The following FUT8 variants were observed in gnomAD, a reference collection of about 807,000 sequenced individuals.
The protein encoded by FUT8 is alpha-(1,6)-fucosyltransferase.
A neutral mutation model predicts 71.3 loss-of-function variants in FUT8; 29 were observed. That is an observed-to-expected ratio of 0.41 (90% CI 0.30 to 0.55). FUT8 has a LOEUF of 0.55. Among genes scored for constraint, FUT8 ranks in the 20% least tolerant of loss-of-function variants. The pLI, the probability that FUT8 is intolerant of heterozygous loss-of-function variation, is 0.34. For synonymous variants in FUT8, 254 were observed against 239.3 expected, an observed-to-expected ratio of 1.06 and a Z score of -0.57; for missense variants, 544 against 702.1, an observed-to-expected ratio of 0.77 and a Z score of 2.55.
intron 1 of FUT8, among the ~76,000 whole-genome samples, chr14:65,422,540 C>T (rs935617303): frequency 4.6e-5 from 7 of 152,068 alleles, no homozygotes; most frequent in Admixed American, 4.6e-4. Flanking sequence ...CTCAATTGCC[C>T]AGGCTGACAT....
At chr14:65,739,358 T>C (rs1896379087) in intron 10 of FUT8, among the ~76,000 whole-genome samples, 3 of 152,052 alleles carry the variant, frequency 2.0e-5, no homozygotes, top group Non-Finnish European at 4.4e-5. Context: ...TCTCTACTAT[T>C]ATTATAATAG....
At chr14:65,676,577 G>A (rs1227317311) in intron 7 of FUT8, among the ~76,000 whole-genome samples, 1 of 152,010 alleles carries the variant, frequency 6.6e-6, no homozygotes, top group African/African-American at 2.4e-5. Flanking sequence ...GGAGCTAGTA[G>A]TCGGTCCCCT....
chr14:65,436,268 AC>A (rs1305984457), intron 1 of FUT8, among the ~76,000 whole-genome samples: 1 of 151,230 alleles, frequency 6.6e-6, no homozygotes, highest in Admixed American at 6.6e-5. Flanking sequence ...ACATAGCAAG[AC>A]CCTGTCTCAA....
intron 2 of FUT8, among the ~76,000 whole-genome samples, chr14:65,487,435 T>C (rs573967229): frequency 1.1e-4 from 16 of 151,934 alleles, no homozygotes; most frequent in African/African-American, 3.9e-4. Context: ...AGGTGGTGGG[T>C]GCCTGTAATC....
intron 3 of FUT8, among the ~76,000 whole-genome samples, chr14:65,611,849 C>T (rs1889017570): frequency 6.6e-6 from 1 of 151,972 alleles, no homozygotes; most frequent in Non-Finnish European, 1.5e-5. Flanking sequence ...TTCATAGAGA[C>T]AGTATTTCAC....
chr14:65,477,019 A>G (rs1180443010), intron 2 of FUT8, among the ~76,000 whole-genome samples: 1 of 152,188 alleles, frequency 6.6e-6, no homozygotes, highest in Non-Finnish European at 1.5e-5. Context: ...CTAAATGTAA[A>G]GTTTTTCTCT....
chr14:65,542,230 G>A (rs1192843187), intron 2 of FUT8, among the ~76,000 whole-genome samples: 1 of 152,130 alleles, frequency 6.6e-6, no homozygotes, highest in African/African-American at 2.4e-5. Context: ...TAAAGACAAA[G>A]TAATGCAGGT....
chr14:65,487,337 C>T (rs908724259), intron 2 of FUT8, among the ~76,000 whole-genome samples: 1 of 151,960 alleles, frequency 6.6e-6, no homozygotes, highest in Non-Finnish European at 1.5e-5. Context: ...GCCAGGCAGG[C>T]AGATCACTTG....
chr14:65,458,186 A>AAC (rs1054654600), intron 2 of FUT8: 10 of 150,622 alleles, frequency 6.6e-5, no homozygotes, highest in Non-Finnish European at 1.2e-4. Context: ...CGTCTCAAAA[A>AAC]AAAAAAAAAC....
chr14:65,480,628 C>T (rs1392735905), intron 2 of FUT8, among the ~76,000 whole-genome samples: 3 of 151,270 alleles, frequency 2.0e-5, no homozygotes. Flanking sequence ...ATAACTTTTT[C>T]AGACACCACT....
chr14:65,458,597 G>A (rs1210651329), intron 2 of FUT8, among the ~76,000 whole-genome samples: 4 of 152,124 alleles, frequency 2.6e-5, no homozygotes, highest in Non-Finnish European at 5.9e-5. Context: ...ATGTAGGATG[G>A]TTTAGACTCT....
intron 5 of FUT8, 147 bp from the exon 6 acceptor site, chr14:65,629,345 A>G (rs1890055802): frequency 6.0e-6 from 3 of 503,716 alleles, no homozygotes; most frequent in Non-Finnish European, 1.1e-5. Flanking sequence ...TTTGAATTGC[A>G]CAACCTTGAT....
At chr14:65,726,026 A>C (rs987502114) in intron 9 of FUT8, among the ~76,000 whole-genome samples, 7 of 152,102 alleles carry the variant, frequency 4.6e-5, no homozygotes, top group African/African-American at 1.7e-4. Flanking sequence ...ACACACACAC[A>C]CACTGAGATG....
At chr14:65,733,151 C>G in intron 9 of FUT8, 80 bp from the exon 10 acceptor site, 3 of 823,772 alleles carry the variant, frequency 3.6e-6, no homozygotes, top group South Asian at 2.2e-5. Context: ...GTGAGAAGCT[C>G]TTAGTCAAAG....
At chr14:65,614,202 G>T (rs971845911) in intron 3 of FUT8, among the ~76,000 whole-genome samples, 5 of 151,840 alleles carry the variant, frequency 3.3e-5, no homozygotes, top group Non-Finnish European at 7.4e-5. Flanking sequence ...TGGTCATGAT[G>T]GTAAGAATAG....
chr14:65,575,899 T>C (rs1886746956), intron 3 of FUT8, among the ~76,000 whole-genome samples: 1 of 152,114 alleles, frequency 6.6e-6, no homozygotes. Context: ...AGATTACAAG[T>C]GTGAGCCAGA....
At chr14:65,649,484 T>C (rs1440907990) in intron 6 of FUT8, among the ~76,000 whole-genome samples, 1 of 152,232 alleles carries the variant, frequency 6.6e-6, no homozygotes, top group Non-Finnish European at 1.5e-5. Context: ...TGGTTGATTA[T>C]GTTTAAAGGG....
At chr14:65,598,512 C>T (rs943319865) in intron 3 of FUT8, among the ~76,000 whole-genome samples, 3 of 152,150 alleles carry the variant, frequency 2.0e-5, no homozygotes, top group Non-Finnish European at 2.9e-5. Context: ...TGAGCCACTG[C>T]GCCTGGCCAC....
chr14:65,625,197 T>C (rs968674481), intron 5 of FUT8, among the ~76,000 whole-genome samples: 2 of 152,086 alleles, frequency 1.3e-5, no homozygotes, highest in Non-Finnish European at 2.9e-5. Context: ...CTATGAAATA[T>C]AAAGAATAAT....
Sources: gnomAD v4.1 joint callset for allele counts (sites outside exome capture counted in the v4.1 genomes callset) on GRCh38, gnomAD v4.1.1 for gene constraint, MANE v1.5 for transcripts, NCBI Gene and HGNC (gene_info 2026-07-23, HGNC 2026-07-21) for gene names.